The following MKRN2OS variants were observed in gnomAD, a reference collection of about 807,000 sequenced individuals.
The protein encoded by MKRN2OS is MKRN2 opposite strand protein.
Under a neutral mutation model 18.2 loss-of-function variants are expected in MKRN2OS, and 17 were observed. That is an observed-to-expected ratio of 0.93 (90% CI 0.64 to 1.40). The LOEUF is 1.40. Ranked by LOEUF, MKRN2OS falls within the 40% of genes most tolerant of loss-of-function variation. The probability of loss-of-function intolerance (pLI) is 0.00; values close to 1 mark genes in which losing one functional copy is unlikely to be tolerated. For synonymous variants in MKRN2OS, 121 were observed against 108.5 expected, an observed-to-expected ratio of 1.12 and a Z score of -0.72; for missense variants, 337 against 283.0, an observed-to-expected ratio of 1.19 and a Z score of -1.37.
intron 1 of MKRN2OS, among the ~76,000 whole-genome samples, chr3:12,556,021 A>C (rs1006452092): frequency 1.3e-5 from 2 of 152,142 alleles, no homozygotes; most frequent in Admixed American, 1.3e-4. Context: ...GAGTGTATGC[A>C]TGTGCAAAAA....
chr3:12,540,391 C>G lies in MKRN2OS; in HGVS notation c.474G>C (p.Thr158=). The G allele has an allele frequency of 1.3e-6, 2 of 1,536,094 alleles. No individual in the cohort carries two copies. Among genetic ancestry groups the G allele is most frequent in the African/African-American group, 2.7e-5 (2 of 73,152 alleles). The change falls in exon 4 of 4, where the codon ACG becomes ACC. Residue 158 remains threonine (T), a synonymous_variant. Transcript: ENST00000564146. ...CTGCCATCAGAACGCAGTTAATGAA[C>G]GTGAGTGCGTAAGAGTAGCAGTTAT... The part of the protein sequence containing the change: ...NHHNCYSYAL[T]FINCVLMAEG...
intron 1 of MKRN2OS, among the ~76,000 whole-genome samples, chr3:12,554,507 A>AT (rs1559384186): frequency 1.9e-4 from 29 of 149,850 alleles, no homozygotes; most frequent in Admixed American, 2.7e-4. Flanking sequence ...GAAATATAAA[A>AT]ATATATATAT....
chr3:12,545,511 T>G, upstream of MKRN2OS: 1 of 1,395,210 alleles, frequency 7.2e-7, no homozygotes, highest in South Asian at 1.4e-5. Context: ...GAGACTTCCT[T>G]TTCCTCATTA....
chr3:12,542,723 A>AC (rs1165591453), intron 2 of MKRN2OS, among the ~76,000 whole-genome samples: 1 of 132,816 alleles, frequency 7.5e-6, no homozygotes, highest in Non-Finnish European at 1.6e-5. Context: ...AAAAAAAAAA[A>AC]AAAAAAAAAA....
chr3:12,540,469 G>C (rs1575499913), intron 3 of MKRN2OS, 36 bp from the exon 4 acceptor site: 4 of 1,535,418 alleles, frequency 2.6e-6, no homozygotes, highest in African/African-American at 2.7e-5. Context: ...AGAAGAAAAG[G>C]CTGCTCAGAA....
intron 1 of MKRN2OS, chr3:12,556,990 T>A (rs2057977369): frequency 1.3e-6 from 1 of 768,012 alleles, no homozygotes; most frequent in African/African-American, 1.8e-5. Context: ...ACGGCTAGGT[T>A]ACCCGCCGGC....
At chr3:12,552,528 C>T (rs896223443), downstream of MKRN2OS, among the ~76,000 whole-genome samples, 2 of 150,902 alleles carry the variant, frequency 1.3e-5, no homozygotes, top group African/African-American at 4.9e-5. Flanking sequence ...TCTCCTGCCT[C>T]AGCCTCCCGA....
intron 2 of MKRN2OS, among the ~76,000 whole-genome samples, chr3:12,542,548 G>C (rs1378065120): frequency 6.6e-6 from 1 of 151,896 alleles, no homozygotes; most frequent in African/African-American, 2.4e-5. Context: ...GTGAGGCCTG[G>C]GTAGGTGCCT....
At chr3:12,553,680 A>C (rs951950476), downstream of MKRN2OS, 3 of 152,192 alleles carry the variant, frequency 2.0e-5, no homozygotes, top group African/African-American at 7.2e-5. Flanking sequence ...GCATGCAATA[A>C]GGCAAGGAAA....
At chr3:12,545,928 C>G (rs2125291962), upstream of MKRN2OS, among the ~76,000 whole-genome samples, 1 of 152,292 alleles carries the variant, frequency 6.6e-6, no homozygotes, top group Non-Finnish European at 1.5e-5. Flanking sequence ...CACTCAGCCT[C>G]CCGGAGTAGC....
upstream of MKRN2OS, among the ~76,000 whole-genome samples, chr3:12,549,535 ACCCAGCCTGT>A (rs55911340): frequency 0.38 from 58,302 of 151,638 alleles, 12,335 homozygotes; most frequent in African/African-American, 0.56. Context: ...GAGCCACCAC[ACCCAGCCTGT>A]TTTGTTTTAT....
chr3:12,557,231 C>T (rs1260583546), intron 1 of MKRN2OS: 7 of 1,517,272 alleles, frequency 4.6e-6, no homozygotes, highest in Non-Finnish European at 6.2e-6. Context: ...GCAGGGGGGC[C>T]GGTGCGCGCC....
chr3:12,542,145 T>G (rs934571840), intron 2 of MKRN2OS, 123 bp from the exon 3 acceptor site: 2 of 967,650 alleles, frequency 2.1e-6, no homozygotes, highest in East Asian at 2.7e-5. Flanking sequence ...AGGGTGGAGG[T>G]TCTAGAATCT....
chr3:12,549,839 C>A (rs1256234238), upstream of MKRN2OS, among the ~76,000 whole-genome samples: 2 of 152,168 alleles, frequency 1.3e-5, no homozygotes, highest in Non-Finnish European at 2.9e-5. Flanking sequence ...AGGTAGCGCC[C>A]TGTAATTTTG....
chr3:12,555,858 C>T (rs1243568879), intron 1 of MKRN2OS, among the ~76,000 whole-genome samples: 2 of 152,168 alleles, frequency 1.3e-5, no homozygotes, highest in African/African-American at 2.4e-5. Context: ...AGCATGGTGT[C>T]GCGCACCTGT....
chr3:12,556,965 G>C, intron 1 of MKRN2OS: 1 of 548,022 alleles, frequency 1.8e-6, no homozygotes, highest in Admixed American at 4.5e-5. Flanking sequence ...CCCCGGTGCG[G>C]AACCAATTGT....
intron 1 of MKRN2OS, among the ~76,000 whole-genome samples, chr3:12,544,642 G>A (rs1303311914): frequency 6.6e-6 from 1 of 151,290 alleles, no homozygotes; most frequent in East Asian, 1.9e-4. Context: ...AGACACCATT[G>A]CACTCCAGCC....
chr3:12,543,165 C>CA lies in MKRN2OS; in HGVS notation c.268+14dup. 4 of 1,533,644 alleles carry CA rather than the reference C, an allele frequency of 2.6e-6. No homozygotes were observed. Among genetic ancestry groups the CA allele is most frequent in the Non-Finnish European group, 3.5e-6 (4 of 1,145,246 alleles). ...TGGGTAGTAGGGGTTTTTTAAGCTA[C>CA]AAAACTGCACTTACCATTTGTGTTA... On this transcript the variant is annotated intron_variant, in intron 2 of 3. Transcript: ENST00000564146.
upstream of MKRN2OS, among the ~76,000 whole-genome samples, chr3:12,546,783 G>A (rs1257941098): frequency 2.6e-5 from 4 of 151,780 alleles, no homozygotes; most frequent in Non-Finnish European, 5.9e-5. Context: ...TCACCATGTC[G>A]GCCAGGCTGG....
Sources: allele counts gnomAD v4.1 joint callset (sites outside exome capture counted in the v4.1 genomes callset), GRCh38; gene constraint gnomAD v4.1.1; transcripts MANE v1.5; gene names NCBI Gene and HGNC (gene_info 2026-07-23, HGNC 2026-07-21).